Variants in ADCY3 observed in about 807,000 individuals in gnomAD.
ADCY3 encodes the protein adenylate cyclase type 3.
Under a neutral mutation model 119.4 loss-of-function variants are expected in ADCY3, and 70 were observed. That is an observed-to-expected ratio of 0.59 (90% confidence interval 0.48 to 0.72). The LOEUF is 0.72. ADCY3 is among the 30% of genes least tolerant of loss of function. ADCY3 has a pLI of 0.00. For synonymous variants in ADCY3, 672 were observed against 621.4 expected, an observed-to-expected ratio of 1.08 and a Z score of -1.21; for missense variants, 1,238 against 1,541.6, an observed-to-expected ratio of 0.80 and a Z score of 3.30.
chr2:24,850,318 G>A (rs1255183620), intron 3 of ADCY3, among the ~76,000 whole-genome samples: 2 of 152,110 alleles, frequency 1.3e-5, no homozygotes, highest in African/African-American at 4.8e-5. Flanking sequence ...CTAGAAAAAT[G>A]CTCATACACA....
In ADCY3 at chr2:24,919,008, G is replaced by A. The variant is rs1664803631; in HGVS notation, c.-21C>T. 8 of 1,531,878 alleles carry A rather than the reference G, an allele frequency of 5.2e-6. No homozygotes were observed. The highest frequency in any genetic ancestry group is 7.0e-6 in the Non-Finnish European group (8 of 1,143,336). The allele number at this position is 1,531,878 out of a possible 1,614,324, so 94.9% of individuals were successfully genotyped here. On this transcript the variant is annotated 5_prime_UTR_variant, in exon 2 of 22. Coordinates refer to ENST00000679454, the MANE Select transcript of ADCY3 (RefSeq NM_004036.5). This position sits in a 1 kb window ranked among gnomAD's most constrained non-coding sequence, Gnocchi z 5.5. ...GGCATACTGGCTGGTGTCTGCTACT[G>A]GCCCTAGAGAAGTGGACTGGGAACG...
chr2:24,895,242 C>T (rs1219103971), intron 2 of ADCY3, among the ~76,000 whole-genome samples: 3 of 151,922 alleles, frequency 2.0e-5, no homozygotes, highest in African/African-American at 4.8e-5. Context: ...GGGCACACAC[C>T]ACCACGCCCA....
At chr2:24,827,269 G>A (rs924402205) in intron 15 of ADCY3, among the ~76,000 whole-genome samples, 3 of 152,182 alleles carry the variant, frequency 2.0e-5, no homozygotes, top group African/African-American at 7.2e-5. Flanking sequence ...CAGAAGCCAG[G>A]TCCAAATCCA....
chr2:24,867,222 A>G (rs142406703), intron 3 of ADCY3, among the ~76,000 whole-genome samples: 29 of 152,368 alleles, frequency 1.9e-4, no homozygotes, highest in Non-Finnish European at 4.0e-4. Context: ...GACAACTGGC[A>G]TTTCAACAGG....
At chr2:24,845,451 G>C (rs945616542) in intron 3 of ADCY3, among the ~76,000 whole-genome samples, 2 of 152,246 alleles carry the variant, frequency 1.3e-5, no homozygotes, top group Non-Finnish European at 2.9e-5. Context: ...TTTTAGCAAA[G>C]AGATTGGTGG....
chr2:24,890,680 C>G (rs1677553419), intron 2 of ADCY3, among the ~76,000 whole-genome samples: 1 of 152,166 alleles, frequency 6.6e-6, no homozygotes. Flanking sequence ...TGTGTCCTCC[C>G]TCATTTTCCC....
In ADCY3 at chr2:24,909,744, G is replaced by C. The variant is rs184085868; in HGVS notation, c.675+8569C>G. Among the ~76,000 whole-genome samples the C allele has an allele frequency of 5.6e-3, 845 of 152,232 alleles. 16 individuals carry two copies. Among genetic ancestry groups the C allele is most frequent in the Admixed American group, 0.028 (428 of 15,292 alleles). Reference sequence around the variant, plus strand: ...CTACCCAATCTCATGGCTTTAATTAGTTCCGTCTCCCCAGCATCCCCCATG... The same window carrying C: ...CTACCCAATCTCATGGCTTTAATTACTTCCGTCTCCCCAGCATCCCCCATG... On this transcript the variant is annotated intron_variant, in intron 2 of 21. Transcript: ENST00000679454.
intron 6 of ADCY3, 133 bp from the exon 7 acceptor site, chr2:24,840,164 G>T: frequency 8.1e-7 from 1 of 1,233,052 alleles, no homozygotes; most frequent in Non-Finnish European, 1.1e-6. Flanking sequence ...GGTCCCCACA[G>T]CTTGGTGTTG....
chr2:24,859,885 T>C (rs559757245), intron 3 of ADCY3, among the ~76,000 whole-genome samples: 3 of 152,228 alleles, frequency 2.0e-5, no homozygotes, highest in South Asian at 2.1e-4. Context: ...AGGGTGAAGA[T>C]GGGGATGGCT....
intron 13 of ADCY3, among the ~76,000 whole-genome samples, chr2:24,830,351 TGA>T (rs1419612817): frequency 6.6e-6 from 1 of 152,222 alleles, no homozygotes; most frequent in East Asian, 1.9e-4. Flanking sequence ...TTACCCTTTT[TGA>T]GAGTTAGTTT....
At position 24,919,327 on chromosome 2, in the gene ADCY3, AC is replaced by A. The variant is rs1664838594; in HGVS notation, c.-197-144del. ...TTCCCTGCCACCCCCGGCTCACACC[AC>A]CGCCCACCGCAGGCACACTTAGTCC... is the stretch of plus-strand genomic sequence containing the variant. On this transcript the variant is annotated intron_variant, in intron 1 of 21. Transcript: ENST00000679454. The surrounding 1 kb of genome is among the most constrained non-coding windows in gnomAD (Gnocchi z 5.5). The A allele has an allele frequency of 3.7e-6, 1 of 270,784 alleles. No homozygotes were observed. Among genetic ancestry groups the A allele is most frequent in the Non-Finnish European group, 7.1e-6 (1 of 141,230 alleles). 16.8% of individuals were successfully genotyped at this position (270,784 alleles called of 1,614,324 possible). A position where few individuals can be genotyped will look rare whatever the true frequency, so the allele number is the denominator to read the frequency against.
Position 24,838,674 on chromosome 2 carries a change from C to A in ADCY3, c.1356-52G>T, listed in dbSNP as rs766048308. The A allele has an allele frequency of 1.9e-6, 3 of 1,607,190 alleles. No homozygotes were observed. In the Admixed American group the frequency reaches 5.0e-5, roughly 27 times the overall value. ...GCGTCGGCCAGAGGTGGCCCTCACA[C>A]CCCCAGGGGACAGTCCACGGACCAC... is the stretch of plus-strand genomic sequence containing the variant. On this transcript the variant is annotated intron_variant, in intron 7 of 21. Transcript: ENST00000679454.
chr2:24,826,297 T>A, intron 15 of ADCY3, 171 bp from the exon 16 acceptor site: 1 of 594,796 alleles, frequency 1.7e-6, no homozygotes, highest in Non-Finnish European at 3.0e-6. Flanking sequence ...AAAATTTTCT[T>A]AACTCACTGG....
chr2:24,870,584 GTC>G lies in ADCY3; in HGVS notation c.825+1984_825+1985del, dbSNP rs1358896936. Among the ~76,000 whole-genome samples the G allele has an allele frequency of 2.6e-5, 4 of 152,134 alleles. No individual in the cohort carries two copies. The East Asian group carries it at 7.7e-4, about 29-fold the overall frequency. The stretch of plus-strand genomic sequence containing the variant: ...TGGACCTCTCCATCCTGGGGCCAAT[GTC>G]TGCTCTGCCACTGCAGCGTGGGCAG... On this transcript the variant is annotated intron_variant, in intron 3 of 21. Transcript: ENST00000679454.
chr2:24,902,860 T>C (rs1679062944), intron 2 of ADCY3, among the ~76,000 whole-genome samples: 1 of 152,008 alleles, frequency 6.6e-6, no homozygotes, highest in African/African-American at 2.4e-5. Context: ...TGAAACCCCG[T>C]CTCTACTAAA....
At chr2:24,850,140 C>A (rs1672124428) in intron 3 of ADCY3, among the ~76,000 whole-genome samples, 2 of 152,036 alleles carry the variant, frequency 1.3e-5, no homozygotes, top group African/African-American at 4.8e-5. Context: ...CTCCAGAGAG[C>A]CCCTGGCCCC....
intron 3 of ADCY3, among the ~76,000 whole-genome samples, chr2:24,855,906 G>A (rs945113027): frequency 2.0e-5 from 3 of 152,216 alleles, no homozygotes; most frequent in Non-Finnish European, 2.9e-5. Flanking sequence ...CTTCTACTCA[G>A]GGATGACTCA....
intron 2 of ADCY3, among the ~76,000 whole-genome samples, chr2:24,914,011 G>A (rs1664128217): frequency 1.5e-5 from 2 of 131,896 alleles, no homozygotes; most frequent in Admixed American, 8.4e-5. Flanking sequence ...CGCACTCATT[G>A]GCCGCTGGTC....
intron 9 of ADCY3, among the ~76,000 whole-genome samples, chr2:24,836,339 C>T (rs927007433): frequency 9.2e-5 from 14 of 152,368 alleles, no homozygotes; most frequent in African/African-American, 3.4e-4. Context: ...GCTCTCCTGT[C>T]CCCCTCACGC....
Sources: gnomAD v4.1 joint callset for allele counts (sites outside exome capture counted in the v4.1 genomes callset) on GRCh38, gnomAD v4.1.1 for gene constraint, Gnocchi (gnomAD v3.1) non-coding constraint, MANE v1.5 for transcripts, NCBI Gene and HGNC (gene_info 2026-07-23, HGNC 2026-07-21) for gene names.